Variants in UGGT1 observed in about 807,000 individuals in gnomAD.
The protein encoded by UGGT1 is UDP-glucose glycoprotein glucosyltransferase 1.
A neutral mutation model predicts 203.9 loss-of-function variants in UGGT1; 107 were observed. The ratio of observed to expected loss-of-function variants is 0.52; its 90% CI spans 0.45 to 0.62. UGGT1 has a LOEUF of 0.62. Among genes scored for constraint, UGGT1 ranks in the 20% least tolerant of loss-of-function variants. UGGT1 has a pLI of 0.00. For missense variants in UGGT1, 1,673 were observed against 1,867.2 expected, an observed-to-expected ratio of 0.90 and a Z score of 1.92; for synonymous variants, 628 against 653.5, an observed-to-expected ratio of 0.96 and a Z score of 0.59.
At chr2:128,182,481 C>T (rs1216331157) in intron 37 of UGGT1, among the ~76,000 whole-genome samples, 191 bp downstream of exon 37, 1 of 152,072 alleles carries the variant, frequency 6.6e-6, no homozygotes, top group African/African-American at 2.4e-5. Context: ...GGTGGATCAC[C>T]TGAGGTCAGG....
intron 32 of UGGT1, 136 bp from the exon 33 acceptor site, chr2:128,177,696 G>A: frequency 1.6e-6 from 1 of 632,234 alleles, no homozygotes; most frequent in Admixed American, 3.2e-5. Context: ...TAGACTCTGG[G>A]TGGGGTTGTG....
chr2:128,165,233 C>A (rs1175477948), intron 26 of UGGT1, among the ~76,000 whole-genome samples: 1 of 152,128 alleles, frequency 6.6e-6, no homozygotes, highest in Non-Finnish European at 1.5e-5. Flanking sequence ...TCGAGACCAG[C>A]AAACAAAGGG....
In UGGT1 at chr2:128,172,748, A is replaced by G. The variant is rs779192493; in HGVS notation, c.3280A>G (p.Ile1094Val). 6 of 1,613,712 alleles carry G rather than the reference A, an allele frequency of 3.7e-6. No homozygotes were observed. In the African/African-American group the frequency reaches 6.7e-5, roughly 18 times the overall value. Reference protein sequence around the residue: ...SVRTPYDLDNIYLEEVDSVVA... With the variant: ...SVRTPYDLDNVYLEEVDSVVA... The stretch of plus-strand genomic sequence containing the variant: ...CAGAACACCATATGATCTTGATAAT[A>G]TTTATTTAGAAGAGGTAAGACCATA... Residue 1094 changes from isoleucine to valine, a missense_variant, in exon 29 of 41, where the codon ATT becomes GTT. Coordinates refer to ENST00000259253, the MANE Select transcript of UGGT1 (RefSeq NM_020120.4).
At chr2:128,163,609 G>A (rs1690639204) in intron 25 of UGGT1, among the ~76,000 whole-genome samples, 1 of 152,082 alleles carries the variant, frequency 6.6e-6, no homozygotes, top group Non-Finnish European at 1.5e-5. Context: ...CAGCTACTCA[G>A]GAGGCTGAGG....
chr2:128,099,034 A>G (rs1687245704), intron 2 of UGGT1, among the ~76,000 whole-genome samples: 1 of 152,254 alleles, frequency 6.6e-6, no homozygotes, highest in African/African-American at 2.4e-5. Flanking sequence ...TAGATTGAGC[A>G]GCAAGCACTT....
chr2:128,152,660 T>G, intron 18 of UGGT1, 124 bp from the exon 19 acceptor site: 1 of 1,325,716 alleles, frequency 7.5e-7, no homozygotes, highest in Non-Finnish European at 1.0e-6. Flanking sequence ...GTAACTTCTG[T>G]CTTAACTATT....
intron 26 of UGGT1, among the ~76,000 whole-genome samples, chr2:128,165,822 C>T (rs1484379338): frequency 1.3e-5 from 2 of 151,982 alleles, no homozygotes; most frequent in South Asian, 2.1e-4. Context: ...AATGCAGTAG[C>T]GTGATCTCAG....
intron 15 of UGGT1, among the ~76,000 whole-genome samples, chr2:128,135,190 A>G (rs540372442): frequency 6.6e-6 from 1 of 152,344 alleles, no homozygotes; most frequent in Non-Finnish European, 1.5e-5. Context: ...AGCCCATGTA[A>G]AAATAGTTTC....
intron 1 of UGGT1, among the ~76,000 whole-genome samples, chr2:128,093,186 A>G (rs1249517729): frequency 1.3e-5 from 2 of 152,168 alleles, no homozygotes; most frequent in South Asian, 2.1e-4. Flanking sequence ...TCTCTCCCCA[A>G]GAACACGTAC....
rs749606701 is a variant in UGGT1, at chr2:128,173,973, A to G, written c.3453+34A>G. ...TCTGTTCATCAGATAGTGATATTGT[A>G]GTTACGTTAATTTGGGCACTATAAT... On this transcript the variant is annotated intron_variant, in intron 30 of 40. Transcript: ENST00000259253. 1.9e-6 allele frequency: 3 copies of G among 1,603,208 alleles called. No homozygotes were observed. In the South Asian group the frequency reaches 3.3e-5, roughly 18 times the overall value.
chr2:128,109,286 C>T (rs1325110871), intron 4 of UGGT1, among the ~76,000 whole-genome samples: 1 of 152,142 alleles, frequency 6.6e-6, no homozygotes, highest in Non-Finnish European at 1.5e-5. Context: ...TCACTGCAGC[C>T]TCAACTTTTC....
In UGGT1 at chr2:128,115,126, T is replaced by A; in HGVS notation, c.699T>A (p.Asn233Lys). 6.2e-7 allele frequency: 1 copy of A among 1,613,916 alleles called. No homozygotes were observed. The change falls in exon 7 of 41, where the codon AAT becomes AAA. Residue 233 changes from asparagine to lysine, a missense_variant and splice_region_variant. By Grantham distance (94) the Asn-to-Lys change is moderately conservative. Coordinates refer to ENST00000259253, the MANE Select transcript of UGGT1 (RefSeq NM_020120.4). ...TGGAATTCTTGCTTTACTTGCAGAA[T>A]CCCAGGAAGGAGCCTGTTTACCTCT... ...INYVFRHYIF[N>K]PRKEPVYLSG... is the part of the protein sequence containing the mutation.
rs1692466757 is a variant in UGGT1 at position 128,195,348 on chromosome 2, T to A, written c.*5606T>A. 6.6e-6 allele frequency: 1 copy of A among 152,192 alleles called. No homozygotes were observed. Among genetic ancestry groups the A allele is most frequent in the African/African-American group, 2.4e-5 (1 of 41,444 alleles). 9.4% of individuals were successfully genotyped at this position (152,192 alleles called of 1,614,324 possible). ...CAGCAGAAAGCAAAATACATTAACT[T>A]AAGGTTGACAACAAAAGATTATCAA... On this transcript the variant is annotated 3_prime_UTR_variant, in exon 41 of 41. Transcript: ENST00000259253.
At chr2:128,174,680 T>TCC in intron 30 of UGGT1, 93 bp from the exon 31 acceptor site, 1 of 1,054,306 alleles carries the variant, frequency 9.5e-7, no homozygotes, top group Non-Finnish European at 1.4e-6. Context: ...ACATTATAGT[T>TCC]GATTGATATT....
At chr2:128,146,936 C>G (rs1689716934) in intron 18 of UGGT1, among the ~76,000 whole-genome samples, 1 of 152,176 alleles carries the variant, frequency 6.6e-6, no homozygotes, top group Non-Finnish European at 1.5e-5. Context: ...TCTAGTGTTA[C>G]CAGCCCCCAA....
At chr2:128,097,374 CAAA>C (rs879220516) in intron 1 of UGGT1, 52 bp from the exon 2 acceptor site, 25 of 1,233,752 alleles carry the variant, frequency 2.0e-5, no homozygotes, top group East Asian at 2.8e-5. Context: ...GACTGCGTCT[CAAA>C]AAAAAAAAAA....
intron 13 of UGGT1, among the ~76,000 whole-genome samples, chr2:128,132,553 AAAAC>A (rs768477704): frequency 6.6e-5 from 10 of 152,196 alleles, no homozygotes; most frequent in African/African-American, 1.4e-4. Context: ...CTCAAAAACA[AAAAC>A]AAACAAACAA....
At chr2:128,136,513 T>G (rs1305596688) in intron 15 of UGGT1, among the ~76,000 whole-genome samples, 1 of 152,234 alleles carries the variant, frequency 6.6e-6, no homozygotes, top group Non-Finnish European at 1.5e-5. Context: ...GCATTTAAGC[T>G]TCCTCTGTGT....
rs1401705054 is a variant in UGGT1 at position 128,157,254 on chromosome 2, G to A, written c.2263G>A (p.Asp755Asn). The A allele has an allele frequency of 3.1e-6, 5 of 1,613,258 alleles. No homozygotes were observed. The highest frequency in any genetic ancestry group is 1.1e-5 in the South Asian group (1 of 91,062). ...KGMSSKEIYD[D>N]SFIRPVTFWI... ...TAGCTGTTTTTGTTTTTCTACAGAT[G>A]ATTCTTTTATTAGGCCAGTAACTTT... The change falls in exon 22 of 41, where the codon GAT becomes AAT. Residue 755 changes from aspartate to asparagine, a missense_variant and splice_region_variant. Asp to Asn is a conservative substitution (Grantham distance 23). Coordinates refer to ENST00000259253, the MANE Select transcript of UGGT1 (RefSeq NM_020120.4).
Sources: gnomAD v4.1 joint callset for allele counts (sites outside exome capture counted in the v4.1 genomes callset) on GRCh38, gnomAD v4.1.1 for gene constraint, MANE v1.5 for transcripts, NCBI Gene and HGNC (gene_info 2026-07-23, HGNC 2026-07-21) for gene names.